Variants in ELFN1 observed in about 807,000 individuals in gnomAD.
ELFN1 encodes protein ELFN1.
A neutral mutation model predicts 7.6 loss-of-function variants in ELFN1; 6 were observed. The ratio of observed to expected loss-of-function variants is 0.79; its 90% CI spans 0.43 to 1.56. ELFN1 has a LOEUF of 1.56. Ranked by LOEUF, ELFN1 falls within the 40% of genes most tolerant of loss-of-function variation. ELFN1 has a pLI of 0.01. For missense variants in ELFN1, 1,169 were observed against 1,232.2 expected (o/e 0.95, Z 0.77); for synonymous variants, 657 against 588.1 (o/e 1.12, Z -1.70).
At chr7:1,714,229 G>A (rs577395444) in intron 3 of ELFN1, among the ~76,000 whole-genome samples, 430 of 152,224 alleles carry the variant, frequency 2.8e-3, no homozygotes, top group African/African-American at 1.0e-2. Flanking sequence ...CCTGTCTCCA[G>A]GTGGAACAAA....
At chr7:1,699,677 A>G (rs973367740) in intron 2 of ELFN1, among the ~76,000 whole-genome samples, 14 of 152,082 alleles carry the variant, frequency 9.2e-5, no homozygotes, top group Non-Finnish European at 1.6e-4. Context: ...AAGAATAATA[A>G]GGGTGTGCTT....
At chr7:1,712,454 C>T (rs1348209697) in intron 3 of ELFN1, among the ~76,000 whole-genome samples, 3 of 141,660 alleles carry the variant, frequency 2.1e-5, no homozygotes, top group East Asian at 2.1e-4. Context: ...TTTTTTGAGA[C>T]GGAGTCTCGC....
At chr7:1,700,826 C>G (rs1396502171) in intron 2 of ELFN1, among the ~76,000 whole-genome samples, 1 of 152,348 alleles carries the variant, frequency 6.6e-6, no homozygotes, top group East Asian at 1.9e-4. Context: ...TGGTATCTTA[C>G]CAAGCTTTCA....
rs1445189895 is a variant in ELFN1, at chr7:1,705,572, T to C, written c.-455-3519T>C. ...CAGTGGGCACCTCAGATGGCAGGCC[T>C]CACAGCCTCACCATGCACCTGTGTG... On this transcript the variant is annotated intron_variant, in intron 2 of 3. Transcript: ENST00000424383. This position sits in a 1 kb window ranked among gnomAD's most constrained non-coding sequence, Gnocchi z 4.3. Among the ~76,000 whole-genome samples, 1 of 152,180 alleles carries C rather than the reference T, an allele frequency of 6.6e-6. No homozygotes were observed. Among genetic ancestry groups the C allele is most frequent in the East Asian group, 1.9e-4 (1 of 5,176 alleles).
intron 3 of ELFN1, among the ~76,000 whole-genome samples, chr7:1,713,145 C>T (rs912383958): frequency 6.6e-6 from 1 of 152,234 alleles, no homozygotes; most frequent in African/African-American, 2.4e-5. Flanking sequence ...CCATAGCCTC[C>T]GGAGTCCTCG....
intron 2 of ELFN1, among the ~76,000 whole-genome samples, chr7:1,704,696 C>T (rs1357971333): frequency 6.6e-6 from 1 of 152,130 alleles, no homozygotes; most frequent in Non-Finnish European, 1.5e-5. Context: ...CACATCACGT[C>T]ACCCCTGCGA....
intron 1 of ELFN1, among the ~76,000 whole-genome samples, chr7:1,677,697 T>C (rs1007191182): frequency 6.6e-6 from 1 of 151,536 alleles, no homozygotes; most frequent in African/African-American, 2.4e-5. Context: ...CCGATGTGGG[T>C]TCATGAATGA....
chr7:1,708,179 C>T (rs1341543751), intron 2 of ELFN1, among the ~76,000 whole-genome samples: 1 of 152,226 alleles, frequency 6.6e-6, no homozygotes, highest in Admixed American at 6.5e-5. Context: ...CTGCACCACA[C>T]CCCAGCTGTG....
intron 3 of ELFN1, among the ~76,000 whole-genome samples, chr7:1,716,456 G>C (rs1009234314): frequency 1.3e-5 from 2 of 152,232 alleles, no homozygotes; most frequent in Admixed American, 1.3e-4. Flanking sequence ...CAGAGCCTTA[G>C]CTGCCTTCCT....
At position 1,746,764 on chromosome 7, in the gene ELFN1, C is replaced by T. The variant is rs1419919541; in HGVS notation, c.2168C>T (p.Pro723Leu). 1.1e-5 allele frequency: 17 copies of T among 1,509,146 alleles called. No individual in the cohort carries two copies. The East Asian group carries it at 3.1e-4, about 28-fold the overall frequency. The allele number at this position is 1,509,146 out of a possible 1,614,324, so 93.5% of individuals were successfully genotyped here. A position where few individuals can be genotyped will look rare whatever the true frequency, so the allele number is the denominator to read the frequency against. The change falls in exon 4 of 4, where the codon CCG (proline) becomes CTG (leucine). Residue 723 changes from proline (P) to leucine (L), a missense_variant. Around this residue, in one of 2 missense-constraint regions of ELFN1, gnomAD observed 914 missense variants for 872.6 expected, o/e 1.05. Coordinates refer to ENST00000424383, the MANE Select transcript of ELFN1 (RefSeq NM_001128636.4). ...CCACCTGCGCCCCCCGGGCCACCGCCGCCGCCTCCGCACGAGGGCCTGGGG... is the reference window on the plus strand; with the variant it reads ...CCACCTGCGCCCCCCGGGCCACCGCTGCCGCCTCCGCACGAGGGCCTGGGG... ...AEPPAPPGPPPPPPHEGLGRK... is the reference protein window; with the variant it reads ...AEPPAPPGPPLPPPHEGLGRK...
intron 3 of ELFN1, chr7:1,738,615 A>G (rs1780517748): frequency 1.3e-5 from 2 of 152,094 alleles, no homozygotes; most frequent in African/African-American, 2.4e-5. Flanking sequence ...AAAAAAGTAC[A>G]AAAGGAAGTT....
At chr7:1,717,961 G>A (rs1779885362) in intron 3 of ELFN1, among the ~76,000 whole-genome samples, 1 of 152,214 alleles carries the variant, frequency 6.6e-6, no homozygotes, top group Non-Finnish European at 1.5e-5. Flanking sequence ...GGTAGGACAA[G>A]CTGTTGAAGA....
intron 3 of ELFN1, among the ~76,000 whole-genome samples, chr7:1,732,308 C>A (rs1780342371): frequency 6.6e-6 from 1 of 152,138 alleles, no homozygotes; most frequent in Non-Finnish European, 1.5e-5. Context: ...CGAATCACAG[C>A]CTCAAATGGC....
chr7:1,714,283 A>G (rs1190053825), intron 3 of ELFN1, among the ~76,000 whole-genome samples: 2 of 152,042 alleles, frequency 1.3e-5, no homozygotes, highest in Non-Finnish European at 2.9e-5. Flanking sequence ...CGGAGGGGCC[A>G]GGCTTAACCA....
chr7:1,669,742 C>T (rs1411212629), upstream of ELFN1, among the ~76,000 whole-genome samples: 1 of 152,214 alleles, frequency 6.6e-6, no homozygotes, highest in Non-Finnish European at 1.5e-5. Context: ...TTCTCCGCCC[C>T]TAGGTCCCTG....
chr7:1,703,308 A>G (rs746956993), intron 2 of ELFN1, among the ~76,000 whole-genome samples: 14 of 152,218 alleles, frequency 9.2e-5, no homozygotes, highest in Admixed American at 1.3e-4. Flanking sequence ...CACATTCGCC[A>G]CAAATATCTT....
At chr7:1,700,607 A>G (rs1247371594) in intron 2 of ELFN1, among the ~76,000 whole-genome samples, 2 of 151,978 alleles carry the variant, frequency 1.3e-5, no homozygotes, top group Non-Finnish European at 2.9e-5. Flanking sequence ...GGCTGTGGTG[A>G]GCTCCCTTGC....
chr7:1,679,238 T>A (rs1056395888), intron 1 of ELFN1, among the ~76,000 whole-genome samples: 2 of 151,958 alleles, frequency 1.3e-5, no homozygotes, highest in African/African-American at 2.4e-5. Flanking sequence ...CAGCCAGGGC[T>A]CTGTACCCTG....
At chr7:1,674,675 A>C (rs1409750997) in intron 1 of ELFN1, among the ~76,000 whole-genome samples, 2 of 152,108 alleles carry the variant, frequency 1.3e-5, no homozygotes, top group African/African-American at 4.8e-5. Flanking sequence ...TTCCTCTGCC[A>C]GTTCCAGGAC....
Sources: gnomAD v4.1 joint callset for allele counts (sites outside exome capture counted in the v4.1 genomes callset) on GRCh38, gnomAD v4.1.1 for gene constraint, gnomAD v4.1.1 regional missense constraint, Gnocchi (gnomAD v3.1) non-coding constraint, MANE v1.5 for transcripts, NCBI Gene and HGNC (gene_info 2026-07-23, HGNC 2026-07-21) for gene names.